The following SGCZ variants were observed in gnomAD, a reference collection of about 807,000 sequenced individuals.
SGCZ encodes sarcoglycan zeta.
In SGCZ, 40 loss-of-function variants were observed where a neutral mutation model predicts 41.3. The observed-to-expected ratio is 0.97, with a 90% CI of 0.75 to 1.26. The LOEUF (loss-of-function observed/expected upper bound fraction) is 1.26. Ranked by LOEUF, SGCZ falls within the 50% of genes most tolerant of loss-of-function variation. SGCZ has a pLI of 0.00. For missense variants in SGCZ, 552 were observed against 369.8 expected (o/e 1.49, Z -4.04); for synonymous variants, 206 against 137.5 (o/e 1.50, Z -3.49).
intron 1 of SGCZ, among the ~76,000 whole-genome samples, chr8:14,905,323 G>A (rs1289586450): frequency 6.6e-6 from 1 of 151,922 alleles, no homozygotes; most frequent in Non-Finnish European, 1.5e-5. Context: ...ATGGTAAATG[G>A]TAGGGATATT....
chr8:14,423,080 T>G (rs1031535321), intron 2 of SGCZ, among the ~76,000 whole-genome samples: 2 of 151,852 alleles, frequency 1.3e-5, no homozygotes, highest in Non-Finnish European at 2.9e-5. Context: ...TTTGAACCCA[T>G]GAGTGTTCAT....
At position 14,294,643 on chromosome 8, in the gene SGCZ, TA is replaced by T. The variant is rs531227432; in HGVS notation, c.336+29459del. On this transcript the variant is annotated intron_variant, in intron 3 of 7. Transcript: ENST00000382080. ...AAATAAAAAGTCCAGCTGATCCCTT[TA>T]AAAAAATATTTGAAAAATCACATAT... Among the ~76,000 whole-genome samples, 14 of 152,072 alleles carry T rather than the reference TA, an allele frequency of 9.2e-5. No individual in the cohort carries two copies. In the South Asian group the frequency reaches 1.5e-3, roughly 16 times the overall value.
chr8:14,686,782 CA>C lies in SGCZ; in HGVS notation c.40-131857del, dbSNP rs543990379. ...GAATATGATAAATATGTAATGATTGCAAAAAGAATATCAAATTCTGATTGTC... is the reference window on the plus strand; with the variant it reads ...GAATATGATAAATATGTAATGATTGCAAAAGAATATCAAATTCTGATTGTC... On this transcript the variant is annotated intron_variant, in intron 1 of 7. Coordinates refer to ENST00000382080, the MANE Select transcript of SGCZ (RefSeq NM_139167.4). 1.6e-3 allele frequency among the ~76,000 whole-genome samples: 245 copies of C among 151,972 alleles called. 1 individual carries two copies. The highest frequency in any genetic ancestry group is 2.3e-3 in the Non-Finnish European group (159 of 67,926).
intron 1 of SGCZ, among the ~76,000 whole-genome samples, chr8:15,184,219 A>T (rs1219402668): frequency 6.6e-6 from 1 of 152,218 alleles, no homozygotes; most frequent in African/African-American, 2.4e-5. Context: ...CACTAGTAGA[A>T]CTTCTGGTAG....
chr8:14,560,391 G>A (rs1006467261), intron 1 of SGCZ, among the ~76,000 whole-genome samples: 1 of 151,838 alleles, frequency 6.6e-6, no homozygotes, highest in Non-Finnish European at 1.5e-5. Flanking sequence ...GAAGATTAAA[G>A]GAGCTCTGGG....
At chr8:14,587,969 T>C (rs1398664347) in intron 1 of SGCZ, among the ~76,000 whole-genome samples, 2 of 152,172 alleles carry the variant, frequency 1.3e-5, no homozygotes, top group African/African-American at 4.8e-5. Flanking sequence ...GTAACATCTT[T>C]CTCAATGGCT....
At chr8:14,125,503 CAA>C (rs35509746) in intron 5 of SGCZ, among the ~76,000 whole-genome samples, 6 of 118,422 alleles carry the variant, frequency 5.1e-5, no homozygotes, top group Non-Finnish European at 3.6e-5. Context: ...GATTCCGTCT[CAA>C]AAAAAAAAAA....
At chr8:14,630,705 G>C (rs2117396319) in intron 1 of SGCZ, among the ~76,000 whole-genome samples, 1 of 151,948 alleles carries the variant, frequency 6.6e-6, no homozygotes, top group Admixed American at 6.6e-5. Flanking sequence ...AAAAAGATGA[G>C]TTCATGTCCT....
At chr8:14,295,858 C>A (rs148406524) in intron 3 of SGCZ, among the ~76,000 whole-genome samples, 1 of 152,128 alleles carries the variant, frequency 6.6e-6, no homozygotes, top group Admixed American at 6.5e-5. Flanking sequence ...CAGGAGGGAA[C>A]TGCACAGAGA....
In SGCZ at chr8:15,183,072, C is replaced by T. The variant is rs138370939; in HGVS notation, c.39+54513G>A. ...ACTGGAAACCCTTCAGGGGCAGTAACAGGCATGGAGCTGTCATCTCCTAGG... is the reference window on the plus strand; with the variant it reads ...ACTGGAAACCCTTCAGGGGCAGTAATAGGCATGGAGCTGTCATCTCCTAGG... On this transcript the variant is annotated intron_variant, in intron 1 of 7. Coordinates refer to ENST00000382080, the MANE Select transcript of SGCZ (RefSeq NM_139167.4). Among the ~76,000 whole-genome samples, 14 of 152,312 alleles carry T rather than the reference C, an allele frequency of 9.2e-5. No individual in the cohort carries two copies. In the East Asian group the frequency reaches 2.7e-3, roughly 29 times the overall value.
chr8:14,694,256 T>A (rs1808889393), intron 1 of SGCZ, among the ~76,000 whole-genome samples: 2 of 152,196 alleles, frequency 1.3e-5, no homozygotes, highest in Admixed American at 1.3e-4. Context: ...TACCTGAACC[T>A]TATTATAAAA....
chr8:14,823,481 T>C (rs1802183421), intron 1 of SGCZ, among the ~76,000 whole-genome samples: 1 of 152,108 alleles, frequency 6.6e-6, no homozygotes, highest in Admixed American at 6.6e-5. Context: ...GAAAAAATGC[T>C]CAACATTTCT....
At chr8:14,729,752 A>C (rs1420837127) in intron 1 of SGCZ, among the ~76,000 whole-genome samples, 2 of 152,200 alleles carry the variant, frequency 1.3e-5, no homozygotes, top group African/African-American at 4.8e-5. Flanking sequence ...ATTTATCTGC[A>C]AAACAGTGCT....
rs909710022 is a variant in SGCZ, at chr8:15,083,156, T to C, written c.39+154429A>G. 1.7e-4 allele frequency among the ~76,000 whole-genome samples: 26 copies of C among 152,264 alleles called. No homozygotes were observed. In the East Asian group the frequency reaches 2.3e-3, roughly 14 times the overall value. ...TAGACTGACAGATGCCCAAGGAAAT[T>C]GGAATTGTAAAATGAAACTAAGAGA... On this transcript the variant is annotated intron_variant, in intron 1 of 7. Transcript: ENST00000382080.
intron 2 of SGCZ, among the ~76,000 whole-genome samples, chr8:14,493,359 C>CTTTTTTTTTTTTTATTTTTTTTTTTTT (rs1801898889): frequency 2.3e-5 from 1 of 44,268 alleles, no homozygotes; most frequent in Non-Finnish European, 4.2e-5. Context: ...ATCATCCTTT[C>CTTTTTTTTTTTTTATTTTTTTTTTTTT]TTTTTTTTTT....
At chr8:14,897,342 T>A (rs1805238108) in intron 1 of SGCZ, among the ~76,000 whole-genome samples, 1 of 152,216 alleles carries the variant, frequency 6.6e-6, no homozygotes, top group Non-Finnish European at 1.5e-5. Context: ...AAAGCACTGC[T>A]TAAGAAATAA....
intron 3 of SGCZ, among the ~76,000 whole-genome samples, chr8:14,287,989 A>AT (rs553765169): frequency 1.2e-3 from 183 of 152,100 alleles, no homozygotes; most frequent in African/African-American, 4.0e-3. Context: ...ATTTATTTTT[A>AT]TTTTTTTACC....
chr8:14,241,586 AT>A (rs2117180149), intron 3 of SGCZ, among the ~76,000 whole-genome samples: 1 of 150,026 alleles, frequency 6.7e-6, no homozygotes, highest in African/African-American at 2.4e-5. Context: ...TGATGTAGTT[AT>A]TTTTCCTCCA....
chr8:14,092,855 A>G (rs1801730696), intron 7 of SGCZ, among the ~76,000 whole-genome samples: 1 of 152,048 alleles, frequency 6.6e-6, no homozygotes, highest in Non-Finnish European at 1.5e-5. Context: ...TACAGTAGCT[A>G]ATCAGCACAG....
Sources: gnomAD v4.1 joint callset for allele counts (sites outside exome capture counted in the v4.1 genomes callset) on GRCh38, gnomAD v4.1.1 for gene constraint, MANE v1.5 for transcripts, NCBI Gene and HGNC (gene_info 2026-07-23, HGNC 2026-07-21) for gene names.